XRRA1: variants seen among roughly 807,000 people sequenced by gnomAD.
The protein encoded by XRRA1 is X-ray radiation resistance associated 1, also known as X-ray radiation resistance-associated protein 1.
In XRRA1, 69 loss-of-function variants were observed where a neutral mutation model predicts 80.2. The observed-to-expected ratio is 0.86, with a 90% confidence interval of 0.71 to 1.05. The LOEUF (loss-of-function observed/expected upper bound fraction) is 1.05, where lower values mean the gene tolerates loss of function less well. Ranked by LOEUF, XRRA1 falls within the 50% of genes least tolerant of loss-of-function variation. XRRA1 has a pLI of 0.00. For missense variants in XRRA1, 967 were observed against 976.4 expected (o/e 0.99, Z 0.13); for synonymous variants, 348 against 389.9 (o/e 0.89, Z 1.27).
chr11:74,924,859 A>G (rs1941853605), intron 7 of XRRA1, among the ~76,000 whole-genome samples: 1 of 151,760 alleles, frequency 6.6e-6, no homozygotes, highest in African/African-American at 2.4e-5. Flanking sequence ...TAAAATAAAC[A>G]AAGTTTTATT....
At position 74,849,667 on chromosome 11, in the gene XRRA1, C is replaced by G. The variant is rs570077825; in HGVS notation, c.1381-1205G>C. On this transcript the variant is annotated intron_variant, in intron 14 of 18. Coordinates refer to ENST00000684022, the MANE Select transcript of XRRA1 (RefSeq NM_001378157.1). Reference sequence around the variant, plus strand: ...ATCCCACCGCTACTTTCCCCGCCCCCTCCCAAGGGAGGAATGGGTAACCTA... The same window carrying G: ...ATCCCACCGCTACTTTCCCCGCCCCGTCCCAAGGGAGGAATGGGTAACCTA... Among the ~76,000 whole-genome samples the G allele has an allele frequency of 3.9e-5, 6 of 152,350 alleles. No homozygotes were observed. In the South Asian group the frequency reaches 1.2e-3, roughly 32 times the overall value.
intron 2 of XRRA1, among the ~76,000 whole-genome samples, chr11:74,944,703 T>C (rs993080669): frequency 6.6e-6 from 1 of 152,220 alleles, no homozygotes; most frequent in African/African-American, 2.4e-5. Context: ...AATTACCTTA[T>C]TCACCTGTGT....
intron 10 of XRRA1, among the ~76,000 whole-genome samples, chr11:74,892,602 A>T (rs1335819719): frequency 6.6e-6 from 1 of 152,170 alleles, no homozygotes; most frequent in African/African-American, 2.4e-5. Flanking sequence ...ATAAACTACC[A>T]TCAGAGTGAA....
intron 10 of XRRA1, among the ~76,000 whole-genome samples, chr11:74,897,942 T>A (rs114433617): frequency 2.0e-5 from 3 of 152,130 alleles, no homozygotes; most frequent in African/African-American, 7.2e-5. Flanking sequence ...CTGGTAATAC[T>A]AAGCACACAG....
intron 5 of XRRA1, among the ~76,000 whole-genome samples, chr11:74,931,011 T>TGCCCAG (rs1404926104): frequency 2.0e-5 from 3 of 152,084 alleles, no homozygotes; most frequent in African/African-American, 7.2e-5. Context: ...TTTGCCATGA[T>TGCCCAG]GCCCAGGCTG....
rs1591442183 is a variant in XRRA1 at position 74,841,027 on chromosome 11, G to A, written c.*2173C>T. 6.6e-6 allele frequency: 1 copy of A among 152,036 alleles called. No individual in the cohort carries two copies. The highest frequency in any genetic ancestry group is 2.1e-4 in the South Asian group (1 of 4,820). The allele number at this position is 152,036 out of a possible 1,614,324, so 9.4% of individuals were successfully genotyped here. A position where few individuals can be genotyped will look rare whatever the true frequency, so the allele number is the denominator to read the frequency against. On this transcript the variant is annotated 3_prime_UTR_variant, in exon 19 of 19. Transcript: ENST00000684022. ...CTATAGCCCCTGAATACATGCTCAG[G>A]TAGAGAAAGTCTCCATAGTATAAGT...
intron 8 of XRRA1, among the ~76,000 whole-genome samples, chr11:74,917,953 T>C (rs759132498): frequency 2.9e-5 from 4 of 139,750 alleles, no homozygotes; most frequent in Non-Finnish European, 6.1e-5. Context: ...AAAATAAATA[T>C]AATTGCTGTT....
chr11:74,847,937 C>G (rs904004273), intron 15 of XRRA1, among the ~76,000 whole-genome samples, 178 bp downstream of exon 15: 1 of 152,196 alleles, frequency 6.6e-6, no homozygotes, highest in Non-Finnish European at 1.5e-5. Context: ...TATCAGTGTC[C>G]TCAGACCAGA....
chr11:74,850,046 T>C (rs2039367774), intron 14 of XRRA1, among the ~76,000 whole-genome samples: 3 of 152,212 alleles, frequency 2.0e-5, no homozygotes, highest in Non-Finnish European at 2.9e-5. Context: ...TAACAAAGCA[T>C]TGATTTGTTT....
intron 4 of XRRA1, 90 bp downstream of exon 4, chr11:74,936,794 G>A: frequency 7.0e-7 from 1 of 1,425,836 alleles, no homozygotes; most frequent in Non-Finnish European, 9.4e-7. Flanking sequence ...GTAGATTGGG[G>A]GTAGTTGTGC....
intron 8 of XRRA1, among the ~76,000 whole-genome samples, chr11:74,918,224 A>G (rs1335239058): frequency 2.0e-5 from 3 of 152,092 alleles, no homozygotes; most frequent in Non-Finnish European, 4.4e-5. Context: ...AATATCCACT[A>G]TGGCCTCCTG....
chr11:74,914,727 A>G (rs1008291670), intron 8 of XRRA1, among the ~76,000 whole-genome samples: 1 of 149,322 alleles, frequency 6.7e-6, no homozygotes, highest in Non-Finnish European at 1.5e-5. Context: ...TTTTTTTTGA[A>G]AAACAATTTC....
In XRRA1 at chr11:74,867,330, TAAATA is replaced by T. The variant is rs548182625; in HGVS notation, c.1004-4314_1004-4310del. On this transcript the variant is annotated intron_variant, in intron 10 of 18. Coordinates refer to ENST00000684022, the MANE Select transcript of XRRA1 (RefSeq NM_001378157.1). Reference sequence around the variant, plus strand: ...AACCCAATACAAGGAATCTAAGGAATAAATAAAATAATATGGGAGATGAAAGATGA... The same window carrying T: ...AACCCAATACAAGGAATCTAAGGAATAAATAATATGGGAGATGAAAGATGA... Among the ~76,000 whole-genome samples, 689 of 152,154 alleles carry T rather than the reference TAAATA, an allele frequency of 4.5e-3. 13 individuals are homozygous for T. Among genetic ancestry groups the T allele is most frequent in the Non-Finnish European group, 5.9e-3 (404 of 67,998 alleles).
intron 10 of XRRA1, among the ~76,000 whole-genome samples, chr11:74,890,872 A>G: frequency 6.6e-6 from 1 of 152,350 alleles, no homozygotes; most frequent in South Asian, 2.1e-4. Context: ...GAATCTCTGA[A>G]TAGACCAATA....
intron 10 of XRRA1, among the ~76,000 whole-genome samples, chr11:74,871,825 G>A (rs761987505): frequency 6.6e-5 from 10 of 152,280 alleles, no homozygotes; most frequent in Admixed American, 1.3e-4. Flanking sequence ...TGATGACTCC[G>A]ATAGGTATAA....
chr11:74,920,019 A>G (rs1289546161), intron 8 of XRRA1: 1 of 198,264 alleles, frequency 5.0e-6, no homozygotes, highest in Non-Finnish European at 1.0e-5. Context: ...AAAAAAAAAA[A>G]AAAATGAAGC....
Position 74,842,072 on chromosome 11 carries a change from C to T in XRRA1, c.*1128G>A, listed in dbSNP as rs1002260738. ...AACTCTTTGTACAAATATTATTGTC[C>T]TAAGGGCCTTTTCCCCTCCTGCCTA... On this transcript the variant is annotated 3_prime_UTR_variant, in exon 19 of 19. Transcript: ENST00000684022. The T allele has an allele frequency of 6.6e-6, 1 of 151,956 alleles. No homozygotes were observed. The highest frequency in any genetic ancestry group is 2.4e-5 in the African/African-American group (1 of 41,320). 9.4% of individuals were successfully genotyped at this position (151,956 alleles called of 1,614,324 possible).
At chr11:74,884,991 T>C (rs1372020200) in intron 10 of XRRA1, among the ~76,000 whole-genome samples, 1 of 152,162 alleles carries the variant, frequency 6.6e-6, no homozygotes, top group Non-Finnish European at 1.5e-5. Flanking sequence ...AGCCTGGATA[T>C]GGTGGCTAAT....
Position 74,894,499 on chromosome 11 carries a change from A to G in XRRA1, c.1003+11740T>C, listed in dbSNP as rs575736524. Among the ~76,000 whole-genome samples, 19 of 152,336 alleles carry G rather than the reference A, an allele frequency of 1.2e-4. No individual in the cohort carries two copies. In the East Asian group the frequency reaches 3.5e-3, roughly 28 times the overall value. On this transcript the variant is annotated intron_variant, in intron 10 of 18. Coordinates refer to ENST00000684022, the MANE Select transcript of XRRA1 (RefSeq NM_001378157.1). ...AGTTCTGTATGGCTTAGGAGGCCTC[A>G]GGAAACTTACAATCATGGCAGAAAG...
Sources: gnomAD v4.1 joint callset for allele counts (sites outside exome capture counted in the v4.1 genomes callset) on GRCh38, gnomAD v4.1.1 for gene constraint, MANE v1.5 for transcripts, NCBI Gene and HGNC (gene_info 2026-07-23, HGNC 2026-07-21) for gene names.